Variants in PBX3 observed in about 807,000 individuals in gnomAD.
PBX3 encodes pre-B-cell leukemia transcription factor 3.
A neutral mutation model predicts 48.5 loss-of-function variants in PBX3; 14 were observed. The ratio of observed to expected loss-of-function variants is 0.29; its 90% CI spans 0.19 to 0.45. The LOEUF (loss-of-function observed/expected upper bound fraction) is 0.45. Among genes scored for constraint, PBX3 ranks in the 20% least tolerant of loss-of-function variants. The pLI is 1.00. For synonymous variants in PBX3, 210 were observed against 200.3 expected (o/e 1.05, Z -0.41); for missense variants, 386 against 546.7 (o/e 0.71, Z 2.93).
At chr9:125,803,153 G>A (rs528330920) in intron 2 of PBX3, among the ~76,000 whole-genome samples, 1 of 146,662 alleles carries the variant, frequency 6.8e-6, no homozygotes, top group African/African-American at 2.6e-5. Flanking sequence ...GAGTGCAGTG[G>A]TGCGATCTCC....
intron 2 of PBX3, among the ~76,000 whole-genome samples, chr9:125,861,976 C>G (rs946557277): frequency 6.6e-6 from 1 of 152,122 alleles, no homozygotes; most frequent in Admixed American, 6.5e-5. Flanking sequence ...AATTGTATCT[C>G]AACAAAGTTT....
intron 2 of PBX3, among the ~76,000 whole-genome samples, chr9:125,914,880 A>G (rs577667702): frequency 6.6e-6 from 1 of 152,332 alleles, no homozygotes; most frequent in East Asian, 1.9e-4. Flanking sequence ...GTGTGACCTG[A>G]TTAAACCTAT....
At position 125,949,337 on chromosome 9, in the gene PBX3, T is replaced by C. The variant is rs768233743; in HGVS notation, c.844-11347T>C. On this transcript the variant is annotated intron_variant, in intron 5 of 8. Transcript: ENST00000373489. ...CTCAGGAATGTTCATTAAATGCCAG[T>C]TGTCATCCATTCAACCTACATTTTC... 3.2e-6 allele frequency: 5 copies of C among 1,550,012 alleles called. No individual in the cohort carries two copies. The South Asian group carries it at 6.0e-5, about 18-fold the overall frequency.
intron 1 of PBX3, chr9:125,748,194 GCCT>G: frequency 2.0e-6 from 2 of 983,540 alleles, no homozygotes; most frequent in Non-Finnish European, 2.4e-6. Context: ...CAGTCGGCCG[GCCT>G]CCTCTGCACA....
intron 2 of PBX3, among the ~76,000 whole-genome samples, chr9:125,910,590 G>C (rs189401522): frequency 1.3e-5 from 2 of 151,740 alleles, no homozygotes; most frequent in East Asian, 3.9e-4. Flanking sequence ...TAATATACCT[G>C]ACATGAAAAA....
In PBX3 at chr9:125,966,013, A is replaced by G. The variant is rs1033229340; in HGVS notation, c.*90A>G. 1.1e-5 allele frequency: 9 copies of G among 842,488 alleles called. No individual in the cohort carries two copies. Among genetic ancestry groups the G allele is most frequent in the Admixed American group, 1.9e-5 (1 of 51,362 alleles). The allele number at this position is 842,488 out of a possible 1,614,324, so 52.2% of individuals were successfully genotyped here. ...AAGGAAAGCGTTTTTGTAGCCCACC[A>G]TCTACAGCTTTACTGTAAAACCTTG... On this transcript the variant is annotated 3_prime_UTR_variant, in exon 9 of 9. Transcript: ENST00000373489.
intron 2 of PBX3, among the ~76,000 whole-genome samples, chr9:125,901,534 G>C (rs886392270): frequency 6.6e-5 from 10 of 151,666 alleles, no homozygotes; most frequent in African/African-American, 2.4e-4. Flanking sequence ...TTTTAGTATA[G>C]TACTGTGCAT....
In PBX3 at chr9:125,790,605, G is replaced by T. The variant is rs1282310031; in HGVS notation, c.274+41982G>T. ...TTTTTTTAAAACAGAGTCCTGTTCT[G>T]TCACCCAGGCTGGAGTGCAGTGGCA... On this transcript the variant is annotated intron_variant, in intron 2 of 8. Transcript: ENST00000373489. Among the ~76,000 whole-genome samples the T allele has an allele frequency of 2.0e-5, 3 of 151,924 alleles. No homozygotes were observed. The East Asian group carries it at 5.8e-4, about 29-fold the overall frequency.
chr9:125,789,810 C>T (rs945643498), intron 2 of PBX3, among the ~76,000 whole-genome samples: 8 of 152,148 alleles, frequency 5.3e-5, no homozygotes, highest in African/African-American at 1.9e-4. Context: ...TGAAATATTC[C>T]TATTGTGGCT....
At chr9:125,919,085 T>C (rs1841397433) in intron 3 of PBX3, among the ~76,000 whole-genome samples, 2 of 152,212 alleles carry the variant, frequency 1.3e-5, no homozygotes, top group Admixed American at 1.3e-4. Context: ...AATGTCTTCC[T>C]TTTTCATTGA....
rs529037475 is a variant in PBX3 at position 125,754,674 on chromosome 9, T to A, written c.274+6051T>A. On this transcript the variant is annotated intron_variant, in intron 2 of 8. Transcript: ENST00000373489. ...TTGTAGGCAGAATTGCAACAAGAAT[T>A]TCTTCTGTATTATTTTTTCATAGAT... Among the ~76,000 whole-genome samples, 7 of 152,192 alleles carry A rather than the reference T, an allele frequency of 4.6e-5. No individual in the cohort carries two copies. In the East Asian group the frequency reaches 1.3e-3, roughly 29 times the overall value.
At chr9:125,821,268 T>C (rs1838645689) in intron 2 of PBX3, among the ~76,000 whole-genome samples, 1 of 152,160 alleles carries the variant, frequency 6.6e-6, no homozygotes, top group Non-Finnish European at 1.5e-5. Flanking sequence ...TATACGAGCT[T>C]CTCTGTTTCA....
chr9:125,955,421 T>A (rs1204662951), intron 5 of PBX3, among the ~76,000 whole-genome samples: 1 of 152,190 alleles, frequency 6.6e-6, no homozygotes, highest in Non-Finnish European at 1.5e-5. Context: ...CCTCTCCTTT[T>A]TCTGTAGAAT....
At chr9:125,956,440 T>G (rs1444588266) in intron 5 of PBX3, among the ~76,000 whole-genome samples, 1 of 152,160 alleles carries the variant, frequency 6.6e-6, no homozygotes, top group Non-Finnish European at 1.5e-5. Flanking sequence ...GGAAAGCATT[T>G]TTACTTTTAA....
At chr9:125,921,589 C>G (rs1841458950) in intron 3 of PBX3, among the ~76,000 whole-genome samples, 1 of 151,988 alleles carries the variant, frequency 6.6e-6, no homozygotes, top group Admixed American at 6.6e-5. Context: ...GTCCCTAAAC[C>G]ATGTAATTAG....
chr9:125,925,969 T>C (rs1841565716), intron 3 of PBX3, among the ~76,000 whole-genome samples: 2 of 152,178 alleles, frequency 1.3e-5, no homozygotes, highest in Admixed American at 6.5e-5. Context: ...CCCAAACATA[T>C]CATATTGTTG....
chr9:125,956,195 G>A (rs1289446246), intron 5 of PBX3, among the ~76,000 whole-genome samples: 1 of 152,170 alleles, frequency 6.6e-6, no homozygotes, highest in Admixed American at 6.5e-5. Context: ...CATTTTATAG[G>A]AAAGGAAACA....
At position 125,935,667 on chromosome 9, in the gene PBX3, C is replaced by T. The variant is rs955115799; in HGVS notation, c.843+60C>T. 31 of 1,457,230 alleles carry T rather than the reference C, an allele frequency of 2.1e-5. 1 individual carries two copies. The Middle Eastern group carries it at 3.8e-3, about 176-fold the overall frequency. The allele number at this position is 1,457,230 out of a possible 1,614,324, so 90.3% of individuals were successfully genotyped here. A position where few individuals can be genotyped will look rare whatever the true frequency, so the allele number is the denominator to read the frequency against. ...GTGGAGACAGGAACCTCATTCCTTCCTCAGGGCATTATTATCAAATTTCAT... is the reference window on the plus strand; with the variant it reads ...GTGGAGACAGGAACCTCATTCCTTCTTCAGGGCATTATTATCAAATTTCAT... On this transcript the variant is annotated intron_variant, in intron 5 of 8. Coordinates refer to ENST00000373489, the MANE Select transcript of PBX3 (RefSeq NM_006195.6).
chr9:125,840,432 T>C lies in PBX3; in HGVS notation c.275-75254T>C, dbSNP rs376028519. ...CACAAAAGGTGTAGTAACATATTTT[T>C]TTCTGGCCTTTTCTGCTTGGCTTTT... is the stretch of plus-strand genomic sequence containing the variant. On this transcript the variant is annotated intron_variant, in intron 2 of 8. Coordinates refer to ENST00000373489, the MANE Select transcript of PBX3 (RefSeq NM_006195.6). 2.6e-3 allele frequency among the ~76,000 whole-genome samples: 388 copies of C among 151,718 alleles called. 3 individuals are homozygous for C. The highest frequency in any genetic ancestry group is 8.9e-3 in the African/African-American group (368 of 41,430).
Sources: allele counts gnomAD v4.1 joint callset (sites outside exome capture counted in the v4.1 genomes callset), GRCh38; gene constraint gnomAD v4.1.1; transcripts MANE v1.5; gene names NCBI Gene and HGNC (gene_info 2026-07-23, HGNC 2026-07-21).